CDX1: variants seen among roughly 807,000 people sequenced by gnomAD.
CDX1 encodes the protein homeobox protein CDX-1.
Under a neutral mutation model 16.9 loss-of-function variants are expected in CDX1, and 9 were observed. The ratio of observed to expected loss-of-function variants is 0.53; its 90% CI spans 0.32 to 0.93. The LOEUF (loss-of-function observed/expected upper bound fraction) is 0.93, where lower values mean the gene tolerates loss of function less well. Among genes scored for constraint, CDX1 ranks in the 40% least tolerant of loss-of-function variants. The pLI, the probability that CDX1 is intolerant of heterozygous loss-of-function variation, is 0.04. For synonymous variants in CDX1, 179 were observed against 179.0 expected, an observed-to-expected ratio of 1.00 and a Z score of 0.00; for missense variants, 393 against 386.1, an observed-to-expected ratio of 1.02 and a Z score of -0.15.
intron 1 of CDX1, among the ~76,000 whole-genome samples, chr5:150,177,315 C>A (rs909884946): frequency 3.9e-5 from 6 of 152,246 alleles, no homozygotes; most frequent in African/African-American, 1.4e-4. Flanking sequence ...TATAAGTAAA[C>A]GGTCATTTCT....
chr5:150,170,679 T>C (rs1007495096), intron 1 of CDX1, among the ~76,000 whole-genome samples: 3 of 152,076 alleles, frequency 2.0e-5, no homozygotes, highest in Admixed American at 6.6e-5. Flanking sequence ...GGAAGTGGGG[T>C]TGCTGAGGCT....
intron 1 of CDX1, 75 bp downstream of exon 1, chr5:150,167,396 A>C: frequency 9.4e-7 from 1 of 1,058,928 alleles, no homozygotes; most frequent in Non-Finnish European, 1.2e-6. Context: ...CCCCTGTCTG[A>C]CCTCTGCTCC....
chr5:150,183,774 C>T lies in CDX1; in HGVS notation c.*94C>T, dbSNP rs1752505896. 9.5e-7 allele frequency: 1 copy of T among 1,050,776 alleles called. No individual in the cohort carries two copies. Among genetic ancestry groups the T allele is most frequent in the Non-Finnish European group, 1.3e-6 (1 of 746,914 alleles). The allele number at this position is 1,050,776 out of a possible 1,614,324, so 65.1% of individuals were successfully genotyped here. A position where few individuals can be genotyped will look rare whatever the true frequency, so the allele number is the denominator to read the frequency against. On this transcript the variant is annotated 3_prime_UTR_variant, in exon 3 of 3. Transcript: ENST00000231656. ...CAGGAGGTCTGGTCCGAGTCTCAGC[C>T]CTGACCTTCTGGGACATGGTGGACA...
rs765752415 is a variant in CDX1 at position 150,167,299 on chromosome 5, G to T, written c.423G>T (p.Ala141=). ...ACGAGTGGATGCGGCGCAGCGTGGC[G>T]GCCGGAGGCGGCGGTGGCAGCGGTA... is the stretch of plus-strand genomic sequence containing the variant. ...TPYEWMRRSV[A]AGGGGGSGKT... Residue 141 remains alanine (A), a synonymous_variant, in exon 1 of 3, where the codon GCG becomes GCT. Transcript: ENST00000231656. 18 of 1,262,864 alleles carry T rather than the reference G, an allele frequency of 1.4e-5. No homozygotes were observed. In the African/African-American group the frequency reaches 2.6e-4, roughly 18 times the overall value. The allele number at this position is 1,262,864 out of a possible 1,614,324, so 78.2% of individuals were successfully genotyped here. A position where few individuals can be genotyped will look rare whatever the true frequency, so the allele number is the denominator to read the frequency against.
intron 1 of CDX1, among the ~76,000 whole-genome samples, chr5:150,176,205 C>G (rs1408075655): frequency 2.0e-5 from 3 of 152,240 alleles, no homozygotes; most frequent in Non-Finnish European, 4.4e-5. Context: ...TTGCAGCGCT[C>G]CTACAAGTAT....
At chr5:150,170,122 C>T (rs1414525365) in intron 1 of CDX1, among the ~76,000 whole-genome samples, 1 of 152,208 alleles carries the variant, frequency 6.6e-6, no homozygotes, top group Admixed American at 6.5e-5. Flanking sequence ...CTCAGACCTG[C>T]CAAGTCCTAC....
intron 1 of CDX1, among the ~76,000 whole-genome samples, chr5:150,172,256 T>A (rs1353688125): frequency 6.6e-6 from 1 of 152,210 alleles, no homozygotes; most frequent in Non-Finnish European, 1.5e-5. Context: ...CAAGGACCAG[T>A]CCTAATCAGT....
In CDX1 at chr5:150,183,707, G is replaced by T; in HGVS notation, c.*27G>T. 1 of 1,495,058 alleles carries T rather than the reference G, an allele frequency of 6.7e-7. No individual in the cohort carries two copies. The highest frequency in any genetic ancestry group is 9.0e-7 in the Non-Finnish European group (1 of 1,115,738). 92.6% of individuals were successfully genotyped at this position (1,495,058 alleles called of 1,614,324 possible). A position where few individuals can be genotyped will look rare whatever the true frequency, so the allele number is the denominator to read the frequency against. On this transcript the variant is annotated 3_prime_UTR_variant, in exon 3 of 3. Coordinates refer to ENST00000231656, the MANE Select transcript of CDX1 (RefSeq NM_001804.3). The stretch of plus-strand genomic sequence containing the variant: ...CCCATGCCCAGCCTGTGCGCCGGGG[G>T]ACCTGGGGACTCGGGTGCTGGGAGT...
At position 150,182,856 on chromosome 5, in the gene CDX1, C is replaced by T. The variant is rs1317123092; in HGVS notation, c.534C>T (p.Tyr178=). 6.2e-7 allele frequency: 1 copy of T among 1,613,670 alleles called. No individual in the cohort carries two copies. The highest frequency in any genetic ancestry group is 8.5e-7 in the Non-Finnish European group (1 of 1,179,738). ...AGAAGGAGTTTCATTACAGCCGTTACATCACAATCCGGCGGAAATCAGAGC... is the reference window on the plus strand; with the variant it reads ...AGAAGGAGTTTCATTACAGCCGTTATATCACAATCCGGCGGAAATCAGAGC... ...ELEKEFHYSR[Y]ITIRRKSELA... Residue 178 remains tyrosine (Y), a synonymous_variant, in exon 2 of 3, where the codon TAC becomes TAT. Transcript: ENST00000231656.
intron 1 of CDX1, among the ~76,000 whole-genome samples, chr5:150,179,491 A>G (rs1190827300): frequency 3.3e-5 from 5 of 152,216 alleles, no homozygotes; most frequent in African/African-American, 1.2e-4. Flanking sequence ...GGTTCATACC[A>G]TGACCAGTCA....
intron 1 of CDX1, among the ~76,000 whole-genome samples, chr5:150,168,614 C>T (rs1426831185): frequency 1.3e-5 from 2 of 152,196 alleles, no homozygotes; most frequent in African/African-American, 2.4e-5. Context: ...TATTATCACC[C>T]CCATTTTAAG....
At position 150,182,769 on chromosome 5, in the gene CDX1, T is replaced by G. The variant is rs910011329; in HGVS notation, c.447T>G (p.Gly149=). The G allele has an allele frequency of 1.3e-6, 2 of 1,569,012 alleles. No individual in the cohort carries two copies. The highest frequency in any genetic ancestry group is 2.8e-5 in the African/African-American group (2 of 72,376). ...TTCCCGGCTCCTTCTGCTTCTCAGG[T>G]AAGACTCGGACCAAGGACAAGTACC... is the stretch of plus-strand genomic sequence containing the variant. ...SVAAGGGGGS[G]KTRTKDKYRV... Residue 149 remains glycine (G), a splice_region_variant and synonymous_variant, in exon 2 of 3, where the codon GGT becomes GGG. Coordinates refer to ENST00000231656, the MANE Select transcript of CDX1 (RefSeq NM_001804.3).
chr5:150,176,888 T>A (rs970508965), intron 1 of CDX1, among the ~76,000 whole-genome samples: 3 of 152,226 alleles, frequency 2.0e-5, no homozygotes, highest in Non-Finnish European at 4.4e-5. Flanking sequence ...GCATGCCTGT[T>A]TGCATGTGTG....
chr5:150,176,486 G>A (rs537131350), intron 1 of CDX1, among the ~76,000 whole-genome samples: 25 of 152,320 alleles, frequency 1.6e-4, no homozygotes, highest in Non-Finnish European at 2.9e-4. Flanking sequence ...GTTGCTGCAT[G>A]CAGTGTGGGT....
At position 150,183,502 on chromosome 5, in the gene CDX1, C is replaced by A; in HGVS notation, c.620C>A (p.Ala207Glu). ...AAGATCTGGTTCCAAAACCGGCGGG[C>A]AAAGGAGCGCAAAGTGAACAAGAAG... ...QVKIWFQNRR[A>E]KERKVNKKKQ... Residue 207 changes from alanine (A) to glutamate (E), a missense_variant, in exon 3 of 3, where the codon GCA becomes GAA. Transcript: ENST00000231656. 1 of 1,608,724 alleles carries A rather than the reference C, an allele frequency of 6.2e-7. No individual in the cohort carries two copies. Among genetic ancestry groups the A allele is most frequent in the Non-Finnish European group, 8.5e-7 (1 of 1,176,588 alleles).
Position 150,166,951 on chromosome 5 carries a change from G to T in CDX1, c.75G>T (p.Leu25=). The change falls in exon 1 of 3, where the codon CTG becomes CTT. Residue 25 remains leucine (L), a synonymous_variant. Coordinates refer to ENST00000231656, the MANE Select transcript of CDX1 (RefSeq NM_001804.3). ...PGPARPASLG[L]GPQAYGPPAP... is the part of the protein sequence containing the mutation. ...CAGCCAGGCCAGCCAGCCTCGGCCT[G>T]GGCCCGCAAGCCTACGGCCCCCCGG... is the stretch of plus-strand genomic sequence containing the variant. 1 of 1,495,178 alleles carries T rather than the reference G, an allele frequency of 6.7e-7. No individual in the cohort carries two copies. 92.6% of individuals were successfully genotyped at this position (1,495,178 alleles called of 1,614,324 possible). A position where few individuals can be genotyped will look rare whatever the true frequency, so the allele number is the denominator to read the frequency against.
At chr5:150,172,388 T>C (rs1761519052) in intron 1 of CDX1, among the ~76,000 whole-genome samples, 1 of 152,108 alleles carries the variant, frequency 6.6e-6, no homozygotes, top group South Asian at 2.1e-4. Flanking sequence ...GTGATCTCAC[T>C]TAAGTCTCAT....
intron 1 of CDX1, among the ~76,000 whole-genome samples, chr5:150,181,206 G>A (rs930522013): frequency 2.6e-5 from 4 of 152,144 alleles, no homozygotes; most frequent in Non-Finnish European, 5.9e-5. Context: ...CCACCTCGGG[G>A]CCTTTGCACT....
intron 1 of CDX1, among the ~76,000 whole-genome samples, chr5:150,170,123 C>T (rs879786052): frequency 8.5e-5 from 13 of 152,206 alleles, no homozygotes; most frequent in African/African-American, 2.9e-4. Flanking sequence ...TCAGACCTGC[C>T]AAGTCCTACT....
Sources: allele counts gnomAD v4.1 joint callset (sites outside exome capture counted in the v4.1 genomes callset), GRCh38; gene constraint gnomAD v4.1.1; transcripts MANE v1.5; gene names NCBI Gene and HGNC (gene_info 2026-07-23, HGNC 2026-07-21).